The following OSBPL10 variants were observed in gnomAD, a reference collection of about 807,000 sequenced individuals.
The protein encoded by OSBPL10 is oxysterol-binding protein-related protein 10.
In OSBPL10, 49 loss-of-function variants were observed where a neutral mutation model predicts 81.7. That is an observed-to-expected ratio of 0.60 (90% confidence interval 0.48 to 0.76). The LOEUF (loss-of-function observed/expected upper bound fraction) is 0.76. Ranked by LOEUF, OSBPL10 falls within the 30% of genes least tolerant of loss-of-function variation. OSBPL10 has a pLI of 0.00. For synonymous variants in OSBPL10, 419 were observed against 383.6 expected, an observed-to-expected ratio of 1.09 and a Z score of -1.08; for missense variants, 923 against 987.8, an observed-to-expected ratio of 0.93 and a Z score of 0.88.
chr3:32,065,173 C>A (rs1172097091), intron 1 of OSBPL10: 3 of 92,728 alleles, frequency 3.2e-5, no homozygotes, highest in African/African-American at 8.3e-5. Flanking sequence ...CTGAAAAGTT[C>A]TTCATGTACT....
chr3:32,021,481 A>G (rs370073379), intron 2 of OSBPL10, among the ~76,000 whole-genome samples: 4 of 151,922 alleles, frequency 2.6e-5, no homozygotes, highest in East Asian at 1.9e-4. Context: ...CAGTTTCTCC[A>G]CTCCCTTACG....
intron 1 of OSBPL10, among the ~76,000 whole-genome samples, chr3:31,970,797 G>A (rs1049553651): frequency 8.4e-6 from 1 of 119,346 alleles, no homozygotes; most frequent in Non-Finnish European, 1.6e-5. Context: ...TCTTCAGAAA[G>A]TAGCCTTTTT....
chr3:32,048,968 A>ACACT, intron 1 of OSBPL10, among the ~76,000 whole-genome samples: 1 of 152,326 alleles, frequency 6.6e-6, no homozygotes, highest in Admixed American at 6.5e-5. Context: ...ATGCTAAAAG[A>ACACT]CACTCCTACC....
chr3:31,763,759 T>A (rs1049456117), intron 4 of OSBPL10, among the ~76,000 whole-genome samples: 2 of 152,036 alleles, frequency 1.3e-5, no homozygotes, highest in Non-Finnish European at 2.9e-5. Flanking sequence ...AAGAAATGCA[T>A]CTCCAAATGG....
chr3:31,940,254 C>T (rs1009763166), intron 1 of OSBPL10, among the ~76,000 whole-genome samples: 4 of 152,244 alleles, frequency 2.6e-5, no homozygotes, highest in South Asian at 2.1e-4. Context: ...AAAGGAGCTA[C>T]GACTGATGCA....
intron 4 of OSBPL10, among the ~76,000 whole-genome samples, chr3:31,798,923 G>T (rs6789886): frequency 6.6e-6 from 1 of 152,206 alleles, no homozygotes; most frequent in Non-Finnish European, 1.5e-5. Context: ...CCTCCCAGGC[G>T]CAGTTCATAA....
chr3:31,948,110 G>T (rs559856650), intron 1 of OSBPL10, among the ~76,000 whole-genome samples: 160 of 152,300 alleles, frequency 1.1e-3, no homozygotes, highest in African/African-American at 3.7e-3. Flanking sequence ...TCCAGTGAAA[G>T]GTACAGGCAT....
intron 1 of OSBPL10, among the ~76,000 whole-genome samples, chr3:31,894,049 T>G (rs1319798027): frequency 6.6e-6 from 1 of 152,212 alleles, no homozygotes; most frequent in Admixed American, 6.5e-5. Flanking sequence ...TCTACAGTGA[T>G]CCTGGCAATA....
chr3:31,967,282 G>T (rs951069639), intron 1 of OSBPL10, among the ~76,000 whole-genome samples: 1 of 152,028 alleles, frequency 6.6e-6, no homozygotes, highest in Non-Finnish European at 1.5e-5. Context: ...GAGTCTCACC[G>T]TTGCAGGGAG....
intron 5 of OSBPL10, among the ~76,000 whole-genome samples, chr3:31,741,681 C>T (rs1256180849): frequency 6.6e-6 from 1 of 152,204 alleles, no homozygotes; most frequent in Non-Finnish European, 1.5e-5. Flanking sequence ...TCCTTTTCTC[C>T]TGATATCCTA....
chr3:31,971,110 T>G lies in OSBPL10; in HGVS notation c.281+9789A>C, dbSNP rs184037569. On this transcript the variant is annotated intron_variant, in intron 1 of 11. Coordinates refer to ENST00000396556, the MANE Select transcript of OSBPL10 (RefSeq NM_017784.5). ...TGTACTGCTGCATCTAATGAGTTGGTTTTTTTTTTCTGTTTTTTTTTCTTT... is the reference window on the plus strand; with the variant it reads ...TGTACTGCTGCATCTAATGAGTTGGGTTTTTTTTTCTGTTTTTTTTTCTTT... Among the ~76,000 whole-genome samples, 1,340 of 147,638 alleles carry G rather than the reference T, an allele frequency of 9.1e-3. 6 individuals carry two copies. Among genetic ancestry groups the G allele is most frequent in the South Asian group, 0.027 (122 of 4,564 alleles).
At chr3:31,971,604 G>C (rs893110761) in intron 1 of OSBPL10, among the ~76,000 whole-genome samples, 2 of 152,224 alleles carry the variant, frequency 1.3e-5, no homozygotes, top group Admixed American at 1.3e-4. Context: ...AAAGAGTAGA[G>C]CTGGGATTTA....
intron 1 of OSBPL10, among the ~76,000 whole-genome samples, chr3:31,885,609 A>C (rs554690638): frequency 6.6e-6 from 1 of 152,142 alleles, no homozygotes; most frequent in Admixed American, 6.6e-5. Flanking sequence ...ACAAAAGCAT[A>C]CATGTTTCCT....
intron 2 of OSBPL10, chr3:32,045,851 T>C (rs1385691926): frequency 1.3e-5 from 2 of 152,368 alleles, no homozygotes; most frequent in Admixed American, 6.5e-5. Flanking sequence ...GATTACTCAA[T>C]GTTTTTAAAG....
chr3:31,737,393 T>G (rs1285460347), intron 5 of OSBPL10, among the ~76,000 whole-genome samples: 1 of 152,002 alleles, frequency 6.6e-6, no homozygotes, highest in East Asian at 1.9e-4. Flanking sequence ...ATTTCTAACA[T>G]AAGGTGTTAG....
chr3:31,759,094 C>T (rs1481284295), intron 4 of OSBPL10, among the ~76,000 whole-genome samples: 1 of 151,866 alleles, frequency 6.6e-6, no homozygotes, highest in African/African-American at 2.4e-5. Context: ...TTTAGAAATT[C>T]CATTTGTCAG....
At chr3:31,871,196 C>G (rs574866550) in intron 3 of OSBPL10, among the ~76,000 whole-genome samples, 2 of 152,312 alleles carry the variant, frequency 1.3e-5, no homozygotes, top group Admixed American at 6.5e-5. Flanking sequence ...CTCTTTGGGT[C>G]CACACTGCTT....
rs142964016 is a variant in OSBPL10, at chr3:31,843,240, A to T, written c.538-13009T>A. Among the ~76,000 whole-genome samples the T allele has an allele frequency of 3.6e-3, 542 of 152,108 alleles. 3 individuals are homozygous for T. The highest frequency in any genetic ancestry group is 0.012 in the African/African-American group (479 of 41,482). The stretch of plus-strand genomic sequence containing the variant: ...ATGCAAGAGAGAGTTAACCCCACCT[A>T]CCTCCCACCTTGGGGCAGCCCTTGA... On this transcript the variant is annotated intron_variant, in intron 3 of 11. Coordinates refer to ENST00000396556, the MANE Select transcript of OSBPL10 (RefSeq NM_017784.5).
rs1698216386 is a variant in OSBPL10 at position 31,963,201 on chromosome 3, C to T, written c.281+17698G>A. ...AGCCATCTCTCCCCTCCCTTCTCTC[C>T]CTTCCCCGTCCTTCCTTCCTTTCCT... On this transcript the variant is annotated intron_variant, in intron 1 of 11. Coordinates refer to ENST00000396556, the MANE Select transcript of OSBPL10 (RefSeq NM_017784.5). Among the ~76,000 whole-genome samples the T allele has an allele frequency of 2.0e-5, 3 of 151,872 alleles. No individual in the cohort carries two copies. The South Asian group carries it at 6.2e-4, about 32-fold the overall frequency.
Sources: gnomAD v4.1 joint callset for allele counts (sites outside exome capture counted in the v4.1 genomes callset) on GRCh38, gnomAD v4.1.1 for gene constraint, MANE v1.5 for transcripts, NCBI Gene and HGNC (gene_info 2026-07-23, HGNC 2026-07-21) for gene names.